The following FOXN3 variants were observed in gnomAD, a reference collection of about 807,000 sequenced individuals.
FOXN3 encodes forkhead box N3, also known as forkhead box protein N3.
Under a neutral mutation model 38.4 loss-of-function variants are expected in FOXN3, and 7 were observed. That is an observed-to-expected ratio of 0.18 (90% CI 0.10 to 0.34). The LOEUF (loss-of-function observed/expected upper bound fraction) is 0.34, where lower values mean the gene tolerates loss of function less well. FOXN3 is among the 10% of genes least tolerant of loss of function. The probability of loss-of-function intolerance (pLI) is 1.00; values close to 1 mark genes in which losing one functional copy is unlikely to be tolerated. For missense variants in FOXN3, 456 were observed against 613.4 expected, an observed-to-expected ratio of 0.74 and a Z score of 2.71; for synonymous variants, 230 against 242.2, an observed-to-expected ratio of 0.95 and a Z score of 0.47.
chr14:89,571,552 G>T (rs1234700558), intron 1 of FOXN3, among the ~76,000 whole-genome samples: 2 of 150,436 alleles, frequency 1.3e-5, no homozygotes, highest in Non-Finnish European at 1.5e-5. Flanking sequence ...AATGAAAAAA[G>T]AATAAAAGTT....
intron 3 of FOXN3, among the ~76,000 whole-genome samples, chr14:89,346,622 A>C (rs1888765799): frequency 6.6e-6 from 1 of 152,156 alleles, no homozygotes; most frequent in Non-Finnish European, 1.5e-5. Flanking sequence ...ATCACTGAGG[A>C]TGGTACTTTC....
At chr14:89,193,940 C>CA (rs1888030624) in intron 4 of FOXN3, among the ~76,000 whole-genome samples, 3 of 152,088 alleles carry the variant, frequency 2.0e-5, no homozygotes, top group African/African-American at 7.2e-5. Flanking sequence ...TCCCTAATGA[C>CA]AAATAACCTT....
At chr14:89,298,170 C>G (rs1887103197) in intron 3 of FOXN3, among the ~76,000 whole-genome samples, 1 of 152,034 alleles carries the variant, frequency 6.6e-6, no homozygotes, top group African/African-American at 2.4e-5. Context: ...ATGGTAAATG[C>G]AATAAGCCAG....
chr14:89,216,952 T>C (rs1365973186), intron 4 of FOXN3, among the ~76,000 whole-genome samples: 1 of 152,172 alleles, frequency 6.6e-6, no homozygotes, highest in Non-Finnish European at 1.5e-5. Flanking sequence ...AAATGGCATC[T>C]TCTTATTCTC....
chr14:89,212,283 G>A (rs143042678), intron 4 of FOXN3, among the ~76,000 whole-genome samples: 24 of 152,310 alleles, frequency 1.6e-4, no homozygotes, highest in African/African-American at 5.3e-4. Flanking sequence ...GTGTGTTGGG[G>A]GCACTGTGGA....
At position 89,473,881 on chromosome 14, in the gene FOXN3, T is replaced by C. The variant is rs531155289; in HGVS notation, c.-14-61391A>G. Reference sequence around the variant, plus strand: ...TATTTCAATTTGTCATTTTATTTAATACACAAAACATGAATTTAGGACAAA... The same window carrying C: ...TATTTCAATTTGTCATTTTATTTAACACACAAAACATGAATTTAGGACAAA... On this transcript the variant is annotated intron_variant, in intron 1 of 6. Coordinates refer to the FOXN3 transcript ENST00000345097. 2.6e-5 allele frequency among the ~76,000 whole-genome samples: 4 copies of C among 152,180 alleles called. No homozygotes were observed. The South Asian group carries it at 6.2e-4, about 24-fold the overall frequency.
At position 89,417,120 on chromosome 14, in the gene FOXN3, G is replaced by A. The variant is rs1355499755; in HGVS notation, c.-264C>T. 6.9e-6 allele frequency: 1 copy of A among 144,602 alleles called. No individual in the cohort carries two copies. The highest frequency in any genetic ancestry group is 1.5e-5 in the Non-Finnish European group (1 of 65,174). The allele number at this position is 144,602 out of a possible 1,614,324, so 9.0% of individuals were successfully genotyped here. On this transcript the variant is annotated 5_prime_UTR_variant, in exon 1 of 6. Transcript: ENST00000557258. ...CGCCGCGCGTCCTCCCGCCGGCCCC[G>A]CCGCTCTCCCCGCCCCGTCCCGCCT...
At chr14:89,242,147 G>A (rs949442507) in intron 4 of FOXN3, among the ~76,000 whole-genome samples, 1 of 152,180 alleles carries the variant, frequency 6.6e-6, no homozygotes, top group Non-Finnish European at 1.5e-5. Context: ...CATGGCATTA[G>A]AGAAAACAAA....
chr14:89,206,562 A>C (rs1024793002), intron 4 of FOXN3, among the ~76,000 whole-genome samples: 2 of 152,170 alleles, frequency 1.3e-5, no homozygotes, highest in African/African-American at 4.8e-5. Context: ...AAGGACAAAA[A>C]CATCTGGAGA....
intron 1 of FOXN3, among the ~76,000 whole-genome samples, chr14:89,503,811 A>C (rs1319741353): frequency 6.6e-6 from 1 of 152,220 alleles, no homozygotes; most frequent in African/African-American, 2.4e-5. Flanking sequence ...ATATTAACAC[A>C]TAAGAGGGTT....
intron 2 of FOXN3, among the ~76,000 whole-genome samples, chr14:89,388,801 G>A (rs1318000657): frequency 6.6e-6 from 1 of 151,792 alleles, no homozygotes; most frequent in Non-Finnish European, 1.5e-5. Context: ...AAAAGCCCTT[G>A]AGCAGGGAAG....
intron 4 of FOXN3, among the ~76,000 whole-genome samples, chr14:89,252,791 T>TA (rs1885499318): frequency 6.6e-6 from 1 of 152,124 alleles, no homozygotes; most frequent in Non-Finnish European, 1.5e-5. Flanking sequence ...AATAAAGAGT[T>TA]AAAGTATGCA....
At position 89,266,906 on chromosome 14, in the gene FOXN3, C is replaced by T. The variant is rs991111014; in HGVS notation, c.745+14044G>A. Among the ~76,000 whole-genome samples, 5 of 152,260 alleles carry T rather than the reference C, an allele frequency of 3.3e-5. No individual in the cohort carries two copies. In the East Asian group the frequency reaches 5.8e-4, roughly 18 times the overall value. On this transcript the variant is annotated intron_variant, in intron 4 of 5. Transcript: ENST00000557258. Reference sequence around the variant, plus strand: ...GCAGCAACACCAAAAGCTCATTTGGCGAAGCTCACCCAGTAATGAGGCTCA... The same window carrying T: ...GCAGCAACACCAAAAGCTCATTTGGTGAAGCTCACCCAGTAATGAGGCTCA...
chr14:89,291,980 C>G (rs1459281772), intron 3 of FOXN3, among the ~76,000 whole-genome samples: 1 of 152,092 alleles, frequency 6.6e-6, no homozygotes, highest in Admixed American at 6.5e-5. Context: ...AAACTGCTCC[C>G]AAATGAGAAC....
intron 4 of FOXN3, among the ~76,000 whole-genome samples, chr14:89,275,082 G>C (rs1249439999): frequency 6.6e-6 from 1 of 152,152 alleles, no homozygotes; most frequent in Non-Finnish European, 1.5e-5. Flanking sequence ...AGGACTCCAG[G>C]AGACAAGCAT....
At chr14:89,534,943 C>G (rs1383364376) in intron 1 of FOXN3, among the ~76,000 whole-genome samples, 1 of 152,220 alleles carries the variant, frequency 6.6e-6, no homozygotes, top group Non-Finnish European at 1.5e-5. Flanking sequence ...AGAATCTGCT[C>G]TTCTAAAACA....
At chr14:89,533,660 TCAAAAAAAAAA>T (rs1894623003) in intron 1 of FOXN3, among the ~76,000 whole-genome samples, 1 of 28,202 alleles carries the variant, frequency 3.5e-5, no homozygotes, top group South Asian at 1.9e-3. Flanking sequence ...AGACTCTGTC[TCAAAAAAAAAA>T]AAAAAAAAAA....
At chr14:89,467,800 C>CTTTCTTTTTTTTTTTTTTTT (rs1383456566) in intron 1 of FOXN3, among the ~76,000 whole-genome samples, 5 of 57,898 alleles carry the variant, frequency 8.6e-5, no homozygotes, top group African/African-American at 2.7e-4. Context: ...TCTTTTCTTT[C>CTTTCTTTTTTTTTTTTTTTT]TTTGTTTTTT....
chr14:89,558,916 A>T (rs1375914285), intron 1 of FOXN3, among the ~76,000 whole-genome samples: 1 of 152,192 alleles, frequency 6.6e-6, no homozygotes, highest in Non-Finnish European at 1.5e-5. Flanking sequence ...ACATTTGGGC[A>T]CACTTAGGCT....
Sources: allele counts gnomAD v4.1 joint callset (sites outside exome capture counted in the v4.1 genomes callset), GRCh38; gene constraint gnomAD v4.1.1; transcripts MANE v1.5; gene names NCBI Gene and HGNC (gene_info 2026-07-23, HGNC 2026-07-21).